CMIP: variants seen among roughly 807,000 people sequenced by gnomAD.
CMIP encodes c-Maf inducing protein, also known as C-Maf-inducing protein.
In CMIP, 13 loss-of-function variants were observed where a neutral mutation model predicts 97.3. That is an observed-to-expected ratio of 0.13 (90% CI 0.09 to 0.21). CMIP has a LOEUF of 0.21. CMIP is among the 10% of genes least tolerant of loss of function. CMIP has a pLI of 1.00. For synonymous variants in CMIP, 538 were observed against 436.3 expected, an observed-to-expected ratio of 1.23 and a Z score of -2.91; for missense variants, 847 against 1,024.9, an observed-to-expected ratio of 0.83 and a Z score of 2.37.
intron 1 of CMIP, among the ~76,000 whole-genome samples, chr16:81,521,601 C>T (rs1326294668): frequency 6.6e-6 from 1 of 152,274 alleles, no homozygotes; most frequent in East Asian, 1.9e-4. Flanking sequence ...CTGAACCTAG[C>T]AGGTCGAGTC....
chr16:81,679,004 TTGTG>T (rs886378142), intron 10 of CMIP, among the ~76,000 whole-genome samples: 1 of 152,040 alleles, frequency 6.6e-6, no homozygotes, highest in Admixed American at 6.5e-5. Context: ...CTACATGAGT[TTGTG>T]TGTGTGTGTG....
intron 1 of CMIP, among the ~76,000 whole-genome samples, chr16:81,493,428 C>G (rs373623265): frequency 6.7e-6 from 1 of 148,752 alleles, no homozygotes; most frequent in South Asian, 2.2e-4. Context: ...ATGTCGCCCA[C>G]TTCCTCAAGT....
chr16:81,570,771 C>G (rs1444642698), intron 1 of CMIP, among the ~76,000 whole-genome samples: 4 of 152,200 alleles, frequency 2.6e-5, no homozygotes, highest in Non-Finnish European at 5.9e-5. Context: ...GGTCCCCATT[C>G]TGTTCCCAAT....
intron 2 of CMIP, among the ~76,000 whole-genome samples, chr16:81,608,596 C>A (rs906762078): frequency 6.6e-6 from 1 of 152,156 alleles, no homozygotes; most frequent in Non-Finnish European, 1.5e-5. Context: ...CCCGCCCACC[C>A]TTGACCTCAG....
intron 1 of CMIP, chr16:81,520,165 C>G (rs1157391141): frequency 6.6e-6 from 1 of 152,202 alleles, no homozygotes; most frequent in African/African-American, 2.4e-5. Context: ...AGCGGTATAG[C>G]AAAGCGGCTG....
intron 9 of CMIP, among the ~76,000 whole-genome samples, chr16:81,672,392 G>C (rs1164190247): frequency 6.6e-6 from 1 of 152,218 alleles, no homozygotes; most frequent in Non-Finnish European, 1.5e-5. Flanking sequence ...GTGTGTGAAT[G>C]TGTGCACATG....
intron 1 of CMIP, among the ~76,000 whole-genome samples, chr16:81,496,392 A>C (rs927245313): frequency 6.6e-6 from 1 of 152,300 alleles, no homozygotes; most frequent in Non-Finnish European, 1.5e-5. Context: ...AGTGAAACCT[A>C]TTTAGAATTT....
intron 1 of CMIP, among the ~76,000 whole-genome samples, chr16:81,490,513 G>A (rs1408299287): frequency 6.6e-6 from 1 of 152,160 alleles, no homozygotes; most frequent in Admixed American, 6.5e-5. Flanking sequence ...CCAGCTACTC[G>A]GGCGGCTGAG....
intron 1 of CMIP, among the ~76,000 whole-genome samples, chr16:81,504,737 A>G (rs570966392): frequency 1.3e-5 from 2 of 151,376 alleles, no homozygotes; most frequent in African/African-American, 2.4e-5. Flanking sequence ...GGTCTGTGCC[A>G]TTCCACGAGT....
intron 6 of CMIP, among the ~76,000 whole-genome samples, chr16:81,663,621 A>G (rs764709914): frequency 7.2e-5 from 11 of 152,166 alleles, no homozygotes; most frequent in South Asian, 2.1e-4. Flanking sequence ...CCTAAAGTCA[A>G]CTGTGGACTC....
At chr16:81,482,434 C>T (rs117312299) in intron 1 of CMIP, among the ~76,000 whole-genome samples, 1,786 of 152,148 alleles carry the variant, frequency 0.012, 21 homozygotes, top group Admixed American at 0.021. Context: ...GGGTGCTGGG[C>T]GCCTAAGTAC....
At chr16:81,482,752 A>C (rs1378768814) in intron 1 of CMIP, among the ~76,000 whole-genome samples, 5 of 152,176 alleles carry the variant, frequency 3.3e-5, no homozygotes, top group Admixed American at 6.5e-5. Context: ...CGGGCTTCGG[A>C]GTCACTGGGG....
chr16:81,692,808 C>A (rs143524870), intron 11 of CMIP, among the ~76,000 whole-genome samples: 1 of 152,210 alleles, frequency 6.6e-6, no homozygotes, highest in Non-Finnish European at 1.5e-5. Context: ...GAGTGCCGCC[C>A]GCCTTAATCG....
At chr16:81,528,021 G>A (rs934553355) in intron 1 of CMIP, among the ~76,000 whole-genome samples, 3 of 152,180 alleles carry the variant, frequency 2.0e-5, no homozygotes, top group African/African-American at 4.8e-5. Context: ...CAAAGTGGTT[G>A]TACCAGTTTA....
intron 1 of CMIP, among the ~76,000 whole-genome samples, chr16:81,550,116 C>T (rs2090623998): frequency 1.3e-5 from 2 of 152,222 alleles, no homozygotes; most frequent in African/African-American, 4.8e-5. Flanking sequence ...AGGCAGTACA[C>T]ACTGAGCACC....
At chr16:81,535,381 A>G (rs1003791680) in intron 1 of CMIP, among the ~76,000 whole-genome samples, 8 of 151,486 alleles carry the variant, frequency 5.3e-5, no homozygotes, top group Non-Finnish European at 1.2e-4. Context: ...ATTCCAGTGT[A>G]TTTAACCTTC....
At chr16:81,537,365 T>A (rs950976971) in intron 1 of CMIP, among the ~76,000 whole-genome samples, 6 of 149,096 alleles carry the variant, frequency 4.0e-5, no homozygotes, top group Non-Finnish European at 8.9e-5. Flanking sequence ...TAAAACCCTG[T>A]CTCTACTAAA....
intron 1 of CMIP, among the ~76,000 whole-genome samples, chr16:81,568,299 A>G (rs2091020931): frequency 6.6e-6 from 1 of 152,002 alleles, no homozygotes; most frequent in African/African-American, 2.4e-5. Flanking sequence ...CTTTCCCTCT[A>G]ACTTTCACCT....
intron 1 of CMIP, among the ~76,000 whole-genome samples, chr16:81,532,679 C>G (rs1300712344): frequency 6.6e-6 from 1 of 152,182 alleles, no homozygotes; most frequent in African/African-American, 2.4e-5. Flanking sequence ...CTGGGCCTTT[C>G]CTCCAGGAGC....
Sources: allele counts gnomAD v4.1 joint callset (sites outside exome capture counted in the v4.1 genomes callset), GRCh38; gene constraint gnomAD v4.1.1; transcripts MANE v1.5; gene names NCBI Gene and HGNC (gene_info 2026-07-23, HGNC 2026-07-21).